The following CFAP299 variants were observed in gnomAD, a reference collection of about 807,000 sequenced individuals.
CFAP299 encodes the protein cilia- and flagella-associated protein 299.
Under a neutral mutation model 27.0 loss-of-function variants are expected in CFAP299, and 21 were observed. The observed-to-expected ratio is 0.78, with a 90% confidence interval of 0.55 to 1.12. The LOEUF (loss-of-function observed/expected upper bound fraction) is 1.12. CFAP299 is among the 50% of genes most tolerant of loss of function. The probability of loss-of-function intolerance (pLI) is 0.00; values close to 1 mark genes in which losing one functional copy is unlikely to be tolerated. For missense variants in CFAP299, 310 were observed against 276.6 expected (o/e 1.12, Z -0.86); for synonymous variants, 104 against 98.1 (o/e 1.06, Z -0.36).
chr4:80,519,178 ATGTG>A lies in CFAP299; in HGVS notation c.243-63899_243-63896del, dbSNP rs67077343. Among the ~76,000 whole-genome samples, 122 of 150,476 alleles carry A rather than the reference ATGTG, an allele frequency of 8.1e-4. 1 individual carries two copies. The highest frequency in any genetic ancestry group is 2.5e-3 in the African/African-American group (104 of 41,068). On this transcript the variant is annotated intron_variant, in intron 2 of 5. Coordinates refer to ENST00000358105, the MANE Select transcript of CFAP299 (RefSeq NM_152770.3). The stretch of plus-strand genomic sequence containing the variant: ...GTGTTTGTGTGTGTACTCTGTTAAT[ATGTG>A]TGTGTGTGTGTGTGTATGTGTGTGT...
intron 3 of CFAP299, among the ~76,000 whole-genome samples, chr4:80,796,843 A>T (rs1727892781): frequency 6.6e-6 from 1 of 152,090 alleles, no homozygotes; most frequent in Non-Finnish European, 1.5e-5. Context: ...AATCACTTCC[A>T]TTTGCCCTTT....
At chr4:80,516,241 G>A (rs868003491) in intron 2 of CFAP299, among the ~76,000 whole-genome samples, 3 of 151,852 alleles carry the variant, frequency 2.0e-5, no homozygotes, top group Non-Finnish European at 4.4e-5. Flanking sequence ...GGTTGGTCTC[G>A]AACTCCTGAC....
chr4:80,840,648 C>T (rs1730815653), intron 3 of CFAP299, among the ~76,000 whole-genome samples: 1 of 151,802 alleles, frequency 6.6e-6, no homozygotes, highest in Non-Finnish European at 1.5e-5. Flanking sequence ...ATTTTTTTCC[C>T]CTAGCATGAT....
chr4:80,753,930 A>G (rs1310300390), intron 3 of CFAP299, among the ~76,000 whole-genome samples: 1 of 152,170 alleles, frequency 6.6e-6, no homozygotes, highest in African/African-American at 2.4e-5. Flanking sequence ...AGAATCTTTA[A>G]CACATTAATC....
intron 3 of CFAP299, among the ~76,000 whole-genome samples, chr4:80,816,137 T>C (rs553920489): frequency 2.0e-5 from 3 of 152,052 alleles, no homozygotes; most frequent in Admixed American, 2.0e-4. Flanking sequence ...AATATGAGAA[T>C]AAGATTTAAA....
chr4:80,355,145 G>A (rs1051386506), intron 1 of CFAP299, among the ~76,000 whole-genome samples: 3 of 152,032 alleles, frequency 2.0e-5, no homozygotes, highest in Non-Finnish European at 2.9e-5. Flanking sequence ...CACCAACAAT[G>A]TATAAGTGTT....
intron 2 of CFAP299, among the ~76,000 whole-genome samples, chr4:80,363,165 A>C (rs185449480): frequency 6.6e-6 from 1 of 152,344 alleles, no homozygotes; most frequent in East Asian, 1.9e-4. Context: ...TATTGGTTTT[A>C]TACATTTATA....
At chr4:80,492,354 G>A (rs539420959) in intron 2 of CFAP299, among the ~76,000 whole-genome samples, 2 of 152,194 alleles carry the variant, frequency 1.3e-5, no homozygotes, top group East Asian at 1.9e-4. Flanking sequence ...TACAGATTTC[G>A]ACTCTTTTCA....
chr4:80,881,403 C>A (rs573595074), intron 4 of CFAP299, among the ~76,000 whole-genome samples: 4 of 152,240 alleles, frequency 2.6e-5, no homozygotes, highest in African/African-American at 9.6e-5. Flanking sequence ...GAGCTCAATC[C>A]CTGGAAAGGT....
chr4:80,658,466 C>A (rs1740674781), intron 3 of CFAP299, among the ~76,000 whole-genome samples: 2 of 152,052 alleles, frequency 1.3e-5, no homozygotes, highest in Admixed American at 6.6e-5. Flanking sequence ...TTTCGAAGGT[C>A]TTTTCTGCAT....
At chr4:80,640,908 T>G (rs899427309) in intron 3 of CFAP299, among the ~76,000 whole-genome samples, 5 of 152,190 alleles carry the variant, frequency 3.3e-5, no homozygotes, top group African/African-American at 1.2e-4. Context: ...ATTTTACATT[T>G]CAGTGTACGT....
chr4:80,922,065 T>C (rs1736073191), intron 4 of CFAP299, among the ~76,000 whole-genome samples: 1 of 151,996 alleles, frequency 6.6e-6, no homozygotes, highest in Non-Finnish European at 1.5e-5. Context: ...AGTAGATAGA[T>C]GTATACGTCT....
chr4:80,913,075 A>G (rs2110204911), intron 4 of CFAP299, among the ~76,000 whole-genome samples: 1 of 152,284 alleles, frequency 6.6e-6, no homozygotes, highest in South Asian at 2.1e-4. Context: ...GGCACCTCCA[A>G]AACATGGGGC....
intron 2 of CFAP299, among the ~76,000 whole-genome samples, chr4:80,479,488 G>A (rs148542154): frequency 1.3e-4 from 19 of 151,924 alleles, no homozygotes; most frequent in African/African-American, 3.1e-4. Flanking sequence ...ACAAAAAGCA[G>A]GTAAAACACT....
At chr4:80,414,985 T>C (rs1012123755) in intron 2 of CFAP299, among the ~76,000 whole-genome samples, 1 of 152,318 alleles carries the variant, frequency 6.6e-6, no homozygotes, top group East Asian at 1.9e-4. Flanking sequence ...GCTTGAAACA[T>C]AGAGGCGCTG....
At chr4:80,917,598 A>C (rs1199708573) in intron 4 of CFAP299, among the ~76,000 whole-genome samples, 1 of 152,156 alleles carries the variant, frequency 6.6e-6, no homozygotes, top group Non-Finnish European at 1.5e-5. Context: ...TAACCTTTAG[A>C]TAAACAAGCC....
At chr4:80,512,283 A>T (rs1028033397) in intron 2 of CFAP299, among the ~76,000 whole-genome samples, 2 of 151,728 alleles carry the variant, frequency 1.3e-5, no homozygotes, top group Non-Finnish European at 2.9e-5. Context: ...AACTTTTCCC[A>T]TTAACCATCT....
At chr4:80,831,585 C>T (rs565933267) in intron 3 of CFAP299, among the ~76,000 whole-genome samples, 8 of 152,234 alleles carry the variant, frequency 5.3e-5, no homozygotes, top group Middle Eastern at 3.4e-3. Context: ...CAGACCTATT[C>T]CCATTCTTCT....
At chr4:80,950,256 C>CT (rs374438101) in intron 5 of CFAP299, among the ~76,000 whole-genome samples, 2 of 151,458 alleles carry the variant, frequency 1.3e-5, no homozygotes, top group Non-Finnish European at 2.9e-5. Context: ...TCCCTCCACC[C>CT]CCCCCCTTTC....
Sources: allele counts gnomAD v4.1 joint callset (sites outside exome capture counted in the v4.1 genomes callset), GRCh38; gene constraint gnomAD v4.1.1; transcripts MANE v1.5; gene names NCBI Gene and HGNC (gene_info 2026-07-23, HGNC 2026-07-21).